The following SNX25 variants were observed in gnomAD, a reference collection of about 807,000 sequenced individuals.
The protein encoded by SNX25 is sorting nexin 25.
Under a neutral mutation model 113.7 loss-of-function variants are expected in SNX25, and 62 were observed. The ratio of observed to expected loss-of-function variants is 0.55; its 90% CI spans 0.44 to 0.67. The LOEUF (loss-of-function observed/expected upper bound fraction) is 0.67, where lower values mean the gene tolerates loss of function less well. SNX25 is among the 30% of genes least tolerant of loss of function. The probability of loss-of-function intolerance (pLI) is 0.00; values close to 1 mark genes in which losing one functional copy is unlikely to be tolerated. For synonymous variants in SNX25, 421 were observed against 436.2 expected (o/e 0.97, Z 0.43); for missense variants, 1,014 against 1,161.0 (o/e 0.87, Z 1.84).
chr4:185,315,828 A>G (rs754236004), intron 7 of SNX25, among the ~76,000 whole-genome samples: 3 of 152,236 alleles, frequency 2.0e-5, no homozygotes, highest in Non-Finnish European at 2.9e-5. Flanking sequence ...ATTCACAAAG[A>G]TAACATCAGT....
chr4:185,366,837 TACTAA>T (rs2095389591), downstream of SNX25: 4 of 166,230 alleles, frequency 2.4e-5, no homozygotes, highest in East Asian at 3.2e-4. Flanking sequence ...CTTCTGAACT[TACTAA>T]ACTAAAGCTA....
chr4:185,332,823 T>C (rs1203914773), intron 10 of SNX25, 64 bp downstream of exon 10: 6 of 1,518,954 alleles, frequency 4.0e-6, no homozygotes, highest in Middle Eastern at 2.4e-4. Flanking sequence ...TAGTTTTCAG[T>C]TGAGGTTGAG....
chr4:185,304,958 G>T (rs1233035888), intron 6 of SNX25, among the ~76,000 whole-genome samples: 1 of 152,168 alleles, frequency 6.6e-6, no homozygotes, highest in East Asian at 1.9e-4. Flanking sequence ...GGAGAGAAGA[G>T]AGCCCATGTT....
At chr4:185,214,957 G>A (rs1341848159) in intron 1 of SNX25, among the ~76,000 whole-genome samples, 1 of 152,166 alleles carries the variant, frequency 6.6e-6, no homozygotes, top group Non-Finnish European at 1.5e-5. Flanking sequence ...TGGGCCTGGC[G>A]CGGTGTCTCA....
chr4:185,311,217 G>A (rs1176763242), intron 7 of SNX25, among the ~76,000 whole-genome samples: 1 of 152,186 alleles, frequency 6.6e-6, no homozygotes, highest in Non-Finnish European at 1.5e-5. Context: ...ACAATATTAT[G>A]AAATTTCTAC....
At chr4:185,366,974 ACT>A, downstream of SNX25, 2 of 510,394 alleles carry the variant, frequency 3.9e-6, no homozygotes, top group Non-Finnish European at 7.0e-6. Flanking sequence ...ACCTCTGAGG[ACT>A]CTTCCAGCAA....
chr4:185,300,338 T>G (rs1000442482), intron 6 of SNX25, among the ~76,000 whole-genome samples: 11 of 151,586 alleles, frequency 7.3e-5, no homozygotes, highest in Admixed American at 6.6e-4. Context: ...TTTTTTTTTT[T>G]TTGTATTTTT....
In SNX25 at chr4:185,288,051, T is replaced by C; in HGVS notation, c.1131T>C (p.Ile377=). ...TGGAAATAATCCAGGCGACTACAAT[T>C]AGCAGCTTTCCCCAACTGAAGAGGC... The part of the protein sequence containing the change: ...IVVEIIQATT[I]SSFPQLKRHK... Residue 377 remains isoleucine, a synonymous_variant, in exon 6 of 19, where the codon ATT becomes ATC. Coordinates refer to ENST00000652585, the MANE Select transcript of SNX25 (RefSeq NM_001378034.2). 3 of 1,613,686 alleles carry C rather than the reference T, an allele frequency of 1.9e-6. No individual in the cohort carries two copies. Among genetic ancestry groups the C allele is most frequent in the Non-Finnish European group, 2.5e-6 (3 of 1,179,810 alleles).
At chr4:185,230,624 C>T (rs1162913539) in intron 1 of SNX25, among the ~76,000 whole-genome samples, 1 of 151,760 alleles carries the variant, frequency 6.6e-6, no homozygotes, top group Non-Finnish European at 1.5e-5. Context: ...GTCTCGAACT[C>T]CCGACCTCAG....
At chr4:185,283,885 T>TA (rs1354000318) in intron 5 of SNX25, among the ~76,000 whole-genome samples, 1 of 152,210 alleles carries the variant, frequency 6.6e-6, no homozygotes, top group African/African-American at 2.4e-5. Context: ...ATGGTTTCAT[T>TA]AAAAAAATCT....
intron 1 of SNX25, among the ~76,000 whole-genome samples, chr4:185,240,392 G>A (rs1371731357): frequency 4.0e-5 from 6 of 150,106 alleles, no homozygotes; most frequent in Middle Eastern, 3.5e-3. Flanking sequence ...GGCCGGGCGG[G>A]GGGCTGACCC....
chr4:185,309,407 A>G (rs1754929949), intron 6 of SNX25, among the ~76,000 whole-genome samples: 2 of 152,248 alleles, frequency 1.3e-5, no homozygotes, highest in Admixed American at 1.3e-4. Context: ...TCAGAGGGAC[A>G]TCGTAAAAAG....
chr4:185,239,712 C>T (rs867348593), intron 1 of SNX25, among the ~76,000 whole-genome samples: 12 of 133,688 alleles, frequency 9.0e-5, no homozygotes, highest in East Asian at 2.2e-4. Context: ...TTTTTTGTTT[C>T]GGTTTTTTTT....
rs756933113 is a variant in SNX25, at chr4:185,334,573, G to A, written c.1914+1814G>A. ...ATAATCAGTATCTGCAATATGGCAT[G>A]TTCTTTAAGAACAGTTGTCTTATTT... On this transcript the variant is annotated intron_variant, in intron 10 of 18. Coordinates refer to ENST00000652585, the MANE Select transcript of SNX25 (RefSeq NM_001378034.2). The surrounding 1 kb of genome is among the most constrained non-coding windows in gnomAD (Gnocchi z 4.2). 1.6e-4 allele frequency among the ~76,000 whole-genome samples: 24 copies of A among 152,170 alleles called. No individual in the cohort carries two copies. The highest frequency in any genetic ancestry group is 3.2e-4 in the Non-Finnish European group (22 of 68,022).
chr4:185,217,754 G>T (rs1357799561), intron 1 of SNX25, among the ~76,000 whole-genome samples: 1 of 152,192 alleles, frequency 6.6e-6, no homozygotes, highest in Non-Finnish European at 1.5e-5. Context: ...TGGTACACGT[G>T]GTTGTGCTAA....
At chr4:185,316,927 T>TA (rs1270507918) in intron 7 of SNX25, among the ~76,000 whole-genome samples, 1 of 152,222 alleles carries the variant, frequency 6.6e-6, no homozygotes. Flanking sequence ...GTAAACTAAC[T>TA]AAATATTATT....
intron 1 of SNX25, among the ~76,000 whole-genome samples, chr4:185,228,249 C>T (rs1298058316): frequency 6.6e-6 from 1 of 152,002 alleles, no homozygotes; most frequent in Non-Finnish European, 1.5e-5. Context: ...TATTTAAGCA[C>T]ATTTTTAGGT....
chr4:185,370,932 A>G, downstream of SNX25: 1 of 1,126,018 alleles, frequency 8.9e-7, no homozygotes. Context: ...TGCTTTGAGA[A>G]CTAAGTTGTT....
intron 3 of SNX25, among the ~76,000 whole-genome samples, chr4:185,261,458 G>A (rs867172695): frequency 1.3e-5 from 2 of 152,178 alleles, no homozygotes; most frequent in African/African-American, 4.8e-5. Context: ...ATTACAGTGA[G>A]CCACTGTGCC....
Sources: gnomAD v4.1 joint callset for allele counts (sites outside exome capture counted in the v4.1 genomes callset) on GRCh38, gnomAD v4.1.1 for gene constraint, Gnocchi (gnomAD v3.1) non-coding constraint, MANE v1.5 for transcripts, NCBI Gene and HGNC (gene_info 2026-07-23, HGNC 2026-07-21) for gene names.